The following SHANK2 variants were observed in gnomAD, a reference collection of about 807,000 sequenced individuals.
SHANK2 encodes SH3 and multiple ankyrin repeat domains 2, also known as SH3 and multiple ankyrin repeat domains protein 2.
SHANK2 carries 43 observed loss-of-function variants against 133.7 expected under a neutral mutation model. The observed-to-expected ratio is 0.32, with a 90% CI of 0.25 to 0.41. The LOEUF (loss-of-function observed/expected upper bound fraction) is 0.41. Ranked by LOEUF, SHANK2 falls within the 10% of genes least tolerant of loss-of-function variation. The pLI, the probability that SHANK2 is intolerant of heterozygous loss-of-function variation, is 1.00. For synonymous variants in SHANK2, 1,017 were observed against 952.8 expected (o/e 1.07, Z -1.24); for missense variants, 1,994 against 2,235.8 (o/e 0.89, Z 2.18).
At chr11:71,232,580 A>T (rs1341508418) in intron 1 of SHANK2, among the ~76,000 whole-genome samples, 1 of 149,756 alleles carries the variant, frequency 6.7e-6, no homozygotes, top group Non-Finnish European at 1.5e-5. Flanking sequence ...TCTTCAGCCC[A>T]CTCAACATGA....
intron 21 of SHANK2, among the ~76,000 whole-genome samples, chr11:70,495,305 G>A (rs2058953343): frequency 6.6e-6 from 1 of 152,204 alleles, no homozygotes; most frequent in Non-Finnish European, 1.5e-5. Context: ...GCTGGGCTGG[G>A]ACTCCTTGGA....
At chr11:71,121,529 G>A (rs1419638271) in intron 3 of SHANK2, among the ~76,000 whole-genome samples, 1 of 152,218 alleles carries the variant, frequency 6.6e-6, no homozygotes, top group Non-Finnish European at 1.5e-5. Context: ...TGTTCACTCT[G>A]ATGGTAGTTT....
At chr11:71,216,780 C>T (rs1002427527) in intron 2 of SHANK2, among the ~76,000 whole-genome samples, 2 of 152,158 alleles carry the variant, frequency 1.3e-5, no homozygotes, top group Non-Finnish European at 2.9e-5. Context: ...TCCTGCACTG[C>T]CAATCTAATT....
chr11:70,891,462 A>G (rs1243327808), intron 11 of SHANK2, among the ~76,000 whole-genome samples: 2 of 152,198 alleles, frequency 1.3e-5, no homozygotes, highest in Non-Finnish European at 2.9e-5. Flanking sequence ...AGATCGCGCC[A>G]CTGCACTCCA....
chr11:70,910,372 G>A (rs1295826058), intron 10 of SHANK2, among the ~76,000 whole-genome samples: 4 of 152,186 alleles, frequency 2.6e-5, no homozygotes, highest in East Asian at 1.9e-4. Flanking sequence ...CTCCCCTCAC[G>A]TGGTCTGTTT....
intron 18 of SHANK2, among the ~76,000 whole-genome samples, chr11:70,502,506 G>A (rs2059070076): frequency 1.3e-5 from 2 of 152,304 alleles, no homozygotes; most frequent in Middle Eastern, 3.4e-3. Flanking sequence ...GTGGGCCTGG[G>A]CAGGGGGAGG....
chr11:70,718,340 C>T (rs1202274119), intron 14 of SHANK2, among the ~76,000 whole-genome samples: 7 of 152,246 alleles, frequency 4.6e-5, no homozygotes, highest in Admixed American at 1.3e-4. Context: ...GCTACACAGA[C>T]GCCCTGAGCC....
At position 71,223,377 on chromosome 11, in the gene SHANK2, A is replaced by G. The variant is rs558033583; in HGVS notation, c.-13+1320T>C. 1.6e-3 allele frequency among the ~76,000 whole-genome samples: 248 copies of G among 152,274 alleles called. 1 individual carries two copies. Among genetic ancestry groups the G allele is most frequent in the African/African-American group, 5.8e-3 (242 of 41,550 alleles). On this transcript the variant is annotated intron_variant, in intron 2 of 25. Coordinates refer to ENST00000601538, the MANE Select transcript of SHANK2 (RefSeq NM_012309.5). ...ATATGCGTGGCTTCAGTTACCCTGA[A>G]CTCAACCAACCATGCGCACATTGGA... is the stretch of plus-strand genomic sequence containing the variant.
chr11:71,167,971 G>A (rs1405988325), intron 2 of SHANK2, among the ~76,000 whole-genome samples: 1 of 143,410 alleles, frequency 7.0e-6, no homozygotes, highest in Non-Finnish European at 1.5e-5. Context: ...GGGCAGAGAA[G>A]CTCCTCACTT....
Position 70,804,600 on chromosome 11 carries a change from C to G in SHANK2, c.1663+2402G>C, listed in dbSNP as rs544899476. ...GGAGGTGCTGCTGGGTTCCAGTGTG[C>G]TGGGGAGGGGCAGAGAGGCTGAGGA... is the stretch of plus-strand genomic sequence containing the variant. On this transcript the variant is annotated intron_variant, in intron 13 of 25. Transcript: ENST00000601538. This position sits in a 1 kb window ranked among gnomAD's most constrained non-coding sequence, Gnocchi z 4.1. Among the ~76,000 whole-genome samples, 2 of 152,246 alleles carry G rather than the reference C, an allele frequency of 1.3e-5. No homozygotes were observed. The highest frequency in any genetic ancestry group is 4.1e-4 in the South Asian group (2 of 4,828).
intron 3 of SHANK2, among the ~76,000 whole-genome samples, chr11:71,125,801 T>C (rs1391562957): frequency 6.6e-6 from 1 of 152,162 alleles, no homozygotes; most frequent in Non-Finnish European, 1.5e-5. Context: ...AGACAAGAAG[T>C]CAACATCTGG....
chr11:70,941,678 G>C (rs1480498668), intron 10 of SHANK2, among the ~76,000 whole-genome samples: 37 of 152,088 alleles, frequency 2.4e-4, no homozygotes, highest in Admixed American at 1.7e-3. Flanking sequence ...TGCCACATGA[G>C]GGCACAGGGA....
chr11:70,786,685 C>T (rs1424203128), intron 14 of SHANK2, among the ~76,000 whole-genome samples: 1 of 152,100 alleles, frequency 6.6e-6, no homozygotes, highest in Admixed American at 6.5e-5. Context: ...AATGAAATTT[C>T]AAGAACTAGA....
At chr11:70,528,530 A>G (rs1282665562) in intron 17 of SHANK2, among the ~76,000 whole-genome samples, 3 of 152,188 alleles carry the variant, frequency 2.0e-5, no homozygotes, top group South Asian at 2.1e-4. Flanking sequence ...CCAGAGCTCC[A>G]TTAGCCTGCC....
chr11:70,914,792 G>A (rs1950247258), intron 10 of SHANK2, among the ~76,000 whole-genome samples: 1 of 151,380 alleles, frequency 6.6e-6, no homozygotes, highest in African/African-American at 2.4e-5. Flanking sequence ...TCAGGAGACT[G>A]CGAAGGGAGG....
chr11:70,661,805 C>T (rs1555013491), intron 15 of SHANK2, 127 bp from the exon 16 acceptor site: 1 of 1,612,426 alleles, frequency 6.2e-7, no homozygotes, highest in Non-Finnish European at 8.5e-7. Flanking sequence ...ATCCAGGCAG[C>T]ATGGAGGAAA....
At chr11:70,609,702 T>C (rs1332036559) in intron 17 of SHANK2, among the ~76,000 whole-genome samples, 1 of 150,982 alleles carries the variant, frequency 6.6e-6, no homozygotes, top group Non-Finnish European at 1.5e-5. Flanking sequence ...GTATATTGTA[T>C]ATTCATATAC....
At chr11:71,237,427 A>C (rs1377693048) in intron 1 of SHANK2, among the ~76,000 whole-genome samples, 2 of 152,204 alleles carry the variant, frequency 1.3e-5, no homozygotes, top group African/African-American at 4.8e-5. Context: ...ACAGCACGCA[A>C]GCACGACATA....
chr11:70,786,906 C>T (rs1947665933), intron 14 of SHANK2, among the ~76,000 whole-genome samples: 2 of 152,074 alleles, frequency 1.3e-5, no homozygotes, highest in Admixed American at 1.3e-4. Flanking sequence ...ATCACCATGA[C>T]TATCACCATC....
Sources: gnomAD v4.1 joint callset for allele counts (sites outside exome capture counted in the v4.1 genomes callset) on GRCh38, gnomAD v4.1.1 for gene constraint, Gnocchi (gnomAD v3.1) non-coding constraint, MANE v1.5 for transcripts, NCBI Gene and HGNC (gene_info 2026-07-23, HGNC 2026-07-21) for gene names.